The following POTEJ variants were observed in gnomAD, a reference collection of about 807,000 sequenced individuals.
POTEJ encodes the protein POTE ankyrin domain family, member J.
A neutral mutation model predicts 69.0 loss-of-function variants in POTEJ; 11 were observed. The ratio of observed to expected loss-of-function variants is 0.16; its 90% CI spans 0.10 to 0.26. POTEJ has a LOEUF of 0.26. Ranked by LOEUF, POTEJ falls within the 10% of genes least tolerant of loss-of-function variation. POTEJ has a pLI of 1.00. For synonymous variants in POTEJ, 117 were observed against 381.1 expected, an observed-to-expected ratio of 0.31 and a Z score of 8.07; for missense variants, 327 against 1,045.5, an observed-to-expected ratio of 0.31 and a Z score of 9.48.
At chr2:130,624,776 T>A (rs1293729851) in intron 6 of POTEJ, among the ~76,000 whole-genome samples, 21 of 152,170 alleles carry the variant, frequency 1.4e-4, no homozygotes, top group African/African-American at 5.1e-4. Context: ...TCATGTTACA[T>A]ATGCTTGTCC....
intron 1 of POTEJ, among the ~76,000 whole-genome samples, chr2:130,612,880 G>A (rs1307343309): frequency 1.5e-5 from 2 of 130,084 alleles, no homozygotes; most frequent in African/African-American, 2.9e-5. Context: ...TTTTATTATT[G>A]TGATAAATTA....
At chr2:130,642,719 C>T (rs1320206218) in intron 10 of POTEJ, among the ~76,000 whole-genome samples, 1 of 152,276 alleles carries the variant, frequency 6.6e-6, no homozygotes, top group Non-Finnish European at 1.5e-5. Context: ...CATCTTTAGC[C>T]CTTTTCCCTG....
At chr2:130,648,837 G>T (rs1285086896) in intron 13 of POTEJ, among the ~76,000 whole-genome samples, 1 of 71,096 alleles carries the variant, frequency 1.4e-5, no homozygotes, top group Non-Finnish European at 2.4e-5. Context: ...TTGTCCCCCA[G>T]GCTGGAGTTC....
rs1349310586 is a variant in POTEJ, at chr2:130,656,876, A to G, written c.2116A>G (p.Met706Val). Reference protein sequence around the residue: ...SIVGCPRQQGMMGGMHQKESY... With the variant: ...SIVGCPRQQGVMGGMHQKESY... ...CGTGGGGTGCCCCAGGCAGCAGGGC[A>G]TGATGGGGGGCATGCATCAGAAAGA... is the stretch of plus-strand genomic sequence containing the variant. The change falls in exon 15 of 15, where the codon ATG (methionine) becomes GTG (valine). Residue 706 changes from methionine to valine, a missense_variant. Transcript: ENST00000409602. The G allele has an allele frequency of 6.3e-7, 1 of 1,595,380 alleles. No individual in the cohort carries two copies. Among genetic ancestry groups the G allele is most frequent in the African/African-American group, 1.4e-5 (1 of 69,994 alleles).
Position 130,657,029 on chromosome 2 carries a change from C to A in POTEJ, c.2269C>A (p.Leu757Met). Residue 757 changes from leucine to methionine, a missense_variant, in exon 15 of 15, where the codon CTG (leucine) becomes ATG (methionine). Transcript: ENST00000409602. ...CTGGCACCACACCTTCTACAACGAG[C>A]TGCGTGTGGCCCCCGAGGAGCACCC... ...KIWHHTFYNE[L>M]RVAPEEHPIL... 6.3e-7 allele frequency: 1 copy of A among 1,582,516 alleles called. No homozygotes were observed.
chr2:130,656,233 G>A (rs943507268), intron 14 of POTEJ, among the ~76,000 whole-genome samples: 45 of 142,496 alleles, frequency 3.2e-4, no homozygotes, highest in African/African-American at 1.2e-3. Flanking sequence ...TCAGAAAAAG[G>A]CTTTTTTAAT....
intron 6 of POTEJ, among the ~76,000 whole-genome samples, chr2:130,627,329 G>C (rs1233200054): frequency 2.1e-4 from 32 of 150,048 alleles, no homozygotes; most frequent in Non-Finnish European, 3.0e-4. Flanking sequence ...ATGTCCATGT[G>C]TATCACCATC....
intron 13 of POTEJ, among the ~76,000 whole-genome samples, chr2:130,648,792 T>G (rs1233648893): frequency 9.3e-6 from 1 of 107,078 alleles, no homozygotes; most frequent in East Asian, 2.1e-4. Flanking sequence ...TTTTTTTTTT[T>G]TTTTTTTTTT....
intron 1 of POTEJ, among the ~76,000 whole-genome samples, chr2:130,613,676 C>T (rs1685325947): frequency 7.3e-6 from 1 of 137,858 alleles, no homozygotes; most frequent in Non-Finnish European, 1.5e-5. Context: ...GCTGGGGTTA[C>T]AGGCGTGAGC....
At chr2:130,630,996 G>C (rs529419160) in intron 7 of POTEJ, among the ~76,000 whole-genome samples, 1 of 144,104 alleles carries the variant, frequency 6.9e-6, no homozygotes, top group East Asian at 1.9e-4. Flanking sequence ...TCACTTGTTA[G>C]GGTTTCATGA....
intron 1 of POTEJ, among the ~76,000 whole-genome samples, chr2:130,613,239 T>C (rs1215912627): frequency 6.5e-5 from 9 of 139,274 alleles, no homozygotes; most frequent in African/African-American, 1.6e-4. Context: ...TATATACATA[T>C]ATATACATAT....
chr2:130,618,774 CTTTTTTTT>C (rs1204750696), intron 3 of POTEJ, among the ~76,000 whole-genome samples: 1 of 32,218 alleles, frequency 3.1e-5, no homozygotes. Context: ...ATTAATCTGA[CTTTTTTTT>C]TTTTTTTTTT....
At chr2:130,642,254 G>C (rs1181656251) in intron 10 of POTEJ, among the ~76,000 whole-genome samples, 1 of 122,852 alleles carries the variant, frequency 8.1e-6, no homozygotes, top group Non-Finnish European at 1.7e-5. Context: ...TGAGTACCAG[G>C]ATTATACTTA....
chr2:130,643,517 T>TA lies in POTEJ; in HGVS notation c.1370-466_1370-465insA, dbSNP rs1410568944. Among the ~76,000 whole-genome samples, 23 of 130,910 alleles carry TA rather than the reference T, an allele frequency of 1.8e-4. 2 individuals carry two copies. Among genetic ancestry groups the TA allele is most frequent in the African/African-American group, 2.9e-4 (9 of 31,030 alleles). The allele number at this position is 130,910 out of a possible 152,430, so 85.9% of individuals were successfully genotyped here. On this transcript the variant is annotated intron_variant, in intron 10 of 14. Coordinates refer to ENST00000409602, the MANE Select transcript of POTEJ (RefSeq NM_001277083.2). Reference sequence around the variant, plus strand: ...GGTGACAGAGGAAGACCCTGACTCATTAAAAAAAAAAAAAGAAAAAAAGAA... The same window carrying TA: ...GGTGACAGAGGAAGACCCTGACTCATATAAAAAAAAAAAAAGAAAAAAAGAA...
upstream of POTEJ, among the ~76,000 whole-genome samples, chr2:130,611,305 G>T (rs550589849): frequency 5.6e-3 from 802 of 142,150 alleles, 15 homozygotes; most frequent in African/African-American, 0.022. Context: ...TTCTTGGGGG[G>T]GGGGGGGTTG....
At position 130,656,890 on chromosome 2, in the gene POTEJ, G is replaced by A. The variant is rs766194445; in HGVS notation, c.2130G>A (p.Met710Ile). 4 of 1,601,480 alleles carry A rather than the reference G, an allele frequency of 2.5e-6. No homozygotes were observed. The South Asian group carries it at 4.4e-5, about 18-fold the overall frequency. Reference sequence around the variant, plus strand: ...GGCAGCAGGGCATGATGGGGGGCATGCATCAGAAAGAGTCCTATGTGGGCA... The same window carrying A: ...GGCAGCAGGGCATGATGGGGGGCATACATCAGAAAGAGTCCTATGTGGGCA... ...CPRQQGMMGG[M>I]HQKESYVGKE... The change falls in exon 15 of 15, where the codon ATG becomes ATA. Residue 710 changes from methionine to isoleucine, a missense_variant. Coordinates refer to ENST00000409602, the MANE Select transcript of POTEJ (RefSeq NM_001277083.2).
intron 13 of POTEJ, among the ~76,000 whole-genome samples, chr2:130,649,711 G>C (rs1266175511): frequency 8.6e-5 from 13 of 150,814 alleles, no homozygotes; most frequent in African/African-American, 3.0e-4. Flanking sequence ...TGAAACTTCT[G>C]TTTCTTATCT....
chr2:130,644,564 A>G (rs1686517840), intron 11 of POTEJ, among the ~76,000 whole-genome samples: 1 of 152,230 alleles, frequency 6.6e-6, no homozygotes. Flanking sequence ...TTCTAATTTA[A>G]TATTTGATAT....
chr2:130,637,672 T>C (rs1230269453), intron 9 of POTEJ, among the ~76,000 whole-genome samples: 1 of 152,284 alleles, frequency 6.6e-6, no homozygotes, highest in Non-Finnish European at 1.5e-5. Flanking sequence ...GTGTACAAAA[T>C]ATATTGTTAG....
Sources: gnomAD v4.1 joint callset for allele counts (sites outside exome capture counted in the v4.1 genomes callset) on GRCh38, gnomAD v4.1.1 for gene constraint, MANE v1.5 for transcripts, NCBI Gene and HGNC (gene_info 2026-07-23, HGNC 2026-07-21) for gene names.